Variants in LRRFIP2 observed in about 807,000 individuals in gnomAD.
The protein encoded by LRRFIP2 is leucine-rich repeat flightless-interacting protein 2.
In LRRFIP2, 109 loss-of-function variants were observed where a neutral mutation model predicts 125.9. The ratio of observed to expected loss-of-function variants is 0.87; its 90% CI spans 0.74 to 1.01. The LOEUF is 1.01. LRRFIP2 is among the 50% of genes least tolerant of loss of function. The pLI, the probability that LRRFIP2 is intolerant of heterozygous loss-of-function variation, is 0.00. For synonymous variants in LRRFIP2, 291 were observed against 293.1 expected, an observed-to-expected ratio of 0.99 and a Z score of 0.07; for missense variants, 850 against 862.3, an observed-to-expected ratio of 0.99 and a Z score of 0.18.
intron 1 of LRRFIP2, among the ~76,000 whole-genome samples, chr3:37,171,379 C>T (rs932442474): frequency 6.6e-6 from 1 of 152,212 alleles, no homozygotes; most frequent in South Asian, 2.1e-4. Context: ...AGACCCTGGG[C>T]ACAAGCCAGG....
At chr3:37,134,347 T>A (rs1481946031) in intron 2 of LRRFIP2, among the ~76,000 whole-genome samples, 1 of 152,198 alleles carries the variant, frequency 6.6e-6, no homozygotes, top group African/African-American at 2.4e-5. Flanking sequence ...AAAGAACTTC[T>A]CGGCCTGGCG....
intron 3 of LRRFIP2, 51 bp from the exon 4 acceptor site, chr3:37,127,731 C>A: frequency 2.2e-6 from 3 of 1,371,676 alleles, no homozygotes; most frequent in Non-Finnish European, 3.1e-6. Flanking sequence ...ATATTGCATT[C>A]TCCAAAAACC....
chr3:37,079,616 CT>C (rs2092446660), intron 19 of LRRFIP2, among the ~76,000 whole-genome samples: 1 of 152,054 alleles, frequency 6.6e-6, no homozygotes, highest in Non-Finnish European at 1.5e-5. Flanking sequence ...AAAAAACAAC[CT>C]GTATACAAAT....
At chr3:37,058,076 T>C (rs2087437477) in intron 25 of LRRFIP2, among the ~76,000 whole-genome samples, 1 of 152,202 alleles carries the variant, frequency 6.6e-6, no homozygotes, top group African/African-American at 2.4e-5. Context: ...AATAGATTCG[T>C]CCAATTATCC....
intron 21 of LRRFIP2, chr3:37,068,696 T>G (rs1475607309): frequency 6.6e-6 from 1 of 152,192 alleles, no homozygotes; most frequent in Non-Finnish European, 1.5e-5. Flanking sequence ...TCTTTATCCC[T>G]GACCTAACCT....
chr3:37,137,754 C>T (rs1159953697), intron 2 of LRRFIP2, among the ~76,000 whole-genome samples: 1 of 152,190 alleles, frequency 6.6e-6, no homozygotes, highest in Non-Finnish European at 1.5e-5. Context: ...TAAACACTTA[C>T]ATTTCTAACA....
chr3:37,120,213 TCTC>T lies in LRRFIP2; in HGVS notation c.330+1276_330+1278del, dbSNP rs1200052866. 3.3e-5 allele frequency among the ~76,000 whole-genome samples: 5 copies of T among 151,602 alleles called. No homozygotes were observed. In the East Asian group the frequency reaches 9.7e-4, roughly 30 times the overall value. ...CCTCCGCCTTCCAGGTTCAAGCAATTCTCCTGTTTCAGCCTCCCAAGTAACTGG... is the reference window on the plus strand; with the variant it reads ...CCTCCGCCTTCCAGGTTCAAGCAATTCTGTTTCAGCCTCCCAAGTAACTGG... On this transcript the variant is annotated intron_variant, in intron 6 of 27. Transcript: ENST00000336686.
At chr3:37,161,544 CAA>C (rs2096345391) in intron 1 of LRRFIP2, among the ~76,000 whole-genome samples, 2 of 151,958 alleles carry the variant, frequency 1.3e-5, no homozygotes, top group African/African-American at 4.8e-5. Flanking sequence ...GTGCTTTCCA[CAA>C]AGTCTCGGGT....
chr3:37,127,882 T>C (rs894546206), intron 3 of LRRFIP2, among the ~76,000 whole-genome samples: 2 of 152,180 alleles, frequency 1.3e-5, no homozygotes, highest in African/African-American at 4.8e-5. Context: ...GAACTGTAAA[T>C]AGAACTTACA....
At chr3:37,102,861 C>A in intron 15 of LRRFIP2, 63 bp downstream of exon 15, 1 of 1,019,544 alleles carries the variant, frequency 9.8e-7, no homozygotes, top group Non-Finnish European at 1.4e-6. Context: ...AAATAGCTAA[C>A]ATATTAGCTG....
At chr3:37,057,511 C>A (rs2087221760) in intron 25 of LRRFIP2, among the ~76,000 whole-genome samples, 1 of 151,206 alleles carries the variant, frequency 6.6e-6, no homozygotes, top group Admixed American at 6.6e-5. Flanking sequence ...TATTAATAAG[C>A]CTTAACCCAA....
intron 1 of LRRFIP2, among the ~76,000 whole-genome samples, chr3:37,166,173 T>C (rs1379317924): frequency 9.2e-5 from 14 of 151,820 alleles, no homozygotes; most frequent in Admixed American, 9.2e-4. Context: ...CTACTAAAAA[T>C]ACAAAAATTA....
chr3:37,093,500 C>T lies in LRRFIP2; in HGVS notation c.1035+1292G>A, dbSNP rs544058314. Among the ~76,000 whole-genome samples, 157 of 152,276 alleles carry T rather than the reference C, an allele frequency of 1.0e-3. 1 individual carries two copies. Among genetic ancestry groups the T allele is most frequent in the South Asian group, 5.6e-3 (27 of 4,826 alleles). ...AAATTTCTCTCTCCCTACCAATTGC[C>T]CAACCAATTCCCAGTCTCTCGTATT... On this transcript the variant is annotated intron_variant, in intron 17 of 27. Transcript: ENST00000336686.
At chr3:37,059,109 G>A (rs189815192) in intron 24 of LRRFIP2, among the ~76,000 whole-genome samples, 199 bp from the exon 25 acceptor site, 2 of 152,290 alleles carry the variant, frequency 1.3e-5, no homozygotes, top group East Asian at 1.9e-4. Context: ...ACATCGAAAA[G>A]AGCAAGCCCC....
intron 18 of LRRFIP2, 53 bp from the exon 19 acceptor site, chr3:37,083,859 T>A (rs1052548138): frequency 2.9e-6 from 4 of 1,360,346 alleles, no homozygotes; most frequent in Non-Finnish European, 4.0e-6. Context: ...ATTGAATACA[T>A]GCAATATAAC....
intron 17 of LRRFIP2, among the ~76,000 whole-genome samples, chr3:37,094,180 T>C (rs546809075): frequency 9.5e-4 from 144 of 152,318 alleles, no homozygotes; most frequent in African/African-American, 3.3e-3. Context: ...AAATCTTGAA[T>C]GAACAAATGT....
intron 24 of LRRFIP2, 27 bp from the exon 25 acceptor site, chr3:37,058,937 C>T: frequency 6.2e-7 from 1 of 1,612,302 alleles, no homozygotes; most frequent in Non-Finnish European, 8.5e-7. Flanking sequence ...GGTTCATCAG[C>T]AAGATCCAAT....
In LRRFIP2 at chr3:37,094,755, A is replaced by G. The variant is rs779459584; in HGVS notation, c.1035+37T>C. The G allele has an allele frequency of 3.6e-6, 5 of 1,374,968 alleles. No individual in the cohort carries two copies. In the African/African-American group the frequency reaches 4.3e-5, roughly 12 times the overall value. The allele number at this position is 1,374,968 out of a possible 1,614,324, so 85.2% of individuals were successfully genotyped here. A position where few individuals can be genotyped will look rare whatever the true frequency, so the allele number is the denominator to read the frequency against. On this transcript the variant is annotated intron_variant, in intron 17 of 27. Transcript: ENST00000336686. ...TTCCAGTATATTACCAAGTCAAAAA[A>G]CTGCTTTTAAAAAGAAAACCAAAAA...
chr3:37,091,601 G>A lies in LRRFIP2; in HGVS notation c.1036-63C>T, dbSNP rs1037297639. ...GCACAAACGTATCTTAAATCGCAAA[G>A]GATTCAGATGAAATGTGACTCACTT... On this transcript the variant is annotated intron_variant, in intron 17 of 27. Transcript: ENST00000336686. The A allele has an allele frequency of 3.1e-5, 36 of 1,157,372 alleles. 1 individual carries two copies. The highest frequency in any genetic ancestry group is 4.2e-5 in the Non-Finnish European group (34 of 801,136). The allele number at this position is 1,157,372 out of a possible 1,614,324, so 71.7% of individuals were successfully genotyped here.
Sources: allele counts gnomAD v4.1 joint callset (sites outside exome capture counted in the v4.1 genomes callset), GRCh38; gene constraint gnomAD v4.1.1; transcripts MANE v1.5; gene names NCBI Gene and HGNC (gene_info 2026-07-23, HGNC 2026-07-21).